The following LRRC37A3 variants were observed in gnomAD, a reference collection of about 807,000 sequenced individuals.
LRRC37A3 encodes leucine-rich repeat-containing protein 37A3.
In LRRC37A3, 25 loss-of-function variants were observed where a neutral mutation model predicts 106.2. That is an observed-to-expected ratio of 0.24 (90% CI 0.17 to 0.33). The LOEUF is 0.33. Ranked by LOEUF, LRRC37A3 falls within the 10% of genes least tolerant of loss-of-function variation. LRRC37A3 has a pLI of 1.00. For missense variants in LRRC37A3, 712 were observed against 1,644.9 expected (o/e 0.43, Z 9.81); for synonymous variants, 305 against 635.8 (o/e 0.48, Z 7.83).
At chr17:64,866,625 TATA>T (rs1394560685) in intron 10 of LRRC37A3, among the ~76,000 whole-genome samples, 162 of 23,620 alleles carry the variant, frequency 6.9e-3, no homozygotes, top group African/African-American at 0.02. Context: ...TATATATATA[TATA>T]TTTTTTTTTT....
chr17:64,885,337 C>A (rs879444237), intron 8 of LRRC37A3, among the ~76,000 whole-genome samples: 12,705 of 116,320 alleles, frequency 0.11, 59 homozygotes, highest in East Asian at 0.25. Flanking sequence ...TGCAACTTCC[C>A]CCTCCCGGGT....
intron 8 of LRRC37A3, among the ~76,000 whole-genome samples, chr17:64,884,402 G>A (rs1053513403): frequency 3.3e-5 from 5 of 151,764 alleles, no homozygotes; most frequent in Non-Finnish European, 7.4e-5. Context: ...GTCTCACTCT[G>A]TCCCTCAGGC....
intron 13 of LRRC37A3, among the ~76,000 whole-genome samples, chr17:64,857,562 C>T (rs1972719518): frequency 6.6e-6 from 1 of 152,146 alleles, no homozygotes; most frequent in Non-Finnish European, 1.5e-5. Context: ...ACGACCACAG[C>T]TCACTGCATC....
At chr17:64,864,505 C>T (rs940545828) in intron 10 of LRRC37A3, among the ~76,000 whole-genome samples, 14 of 151,936 alleles carry the variant, frequency 9.2e-5, no homozygotes, top group East Asian at 3.9e-4. Flanking sequence ...AAGAGGTAAC[C>T]GAGACAACTG....
In LRRC37A3 at chr17:64,854,607, G is replaced by T; in HGVS notation, c.4897C>A (p.Leu1633Met). ...EAPTEEESEA[L>M]P ...TGGGCTGGGTTCTCCTCCTATGGCA[G>T]GGCTTCACTCTCCTCCTCCGTTGGG... Residue 1633 changes from leucine (L) to methionine (M), a missense_variant, in exon 15 of 15, where the codon CTG becomes ATG. Physicochemically the swap from Leu to Met is conservative, Grantham distance 15 (BLOSUM62 2). Transcript: ENST00000584306. The T allele has an allele frequency of 6.2e-7, 1 of 1,613,896 alleles. No individual in the cohort carries two copies. The highest frequency in any genetic ancestry group is 8.5e-7 in the Non-Finnish European group (1 of 1,179,860).
intron 10 of LRRC37A3, among the ~76,000 whole-genome samples, chr17:64,866,610 ATATATATATATATATATATTTT>A (rs1483277976): frequency 3.0e-4 from 6 of 20,206 alleles, no homozygotes; most frequent in African/African-American, 1.8e-3. Flanking sequence ...ATATATATAT[ATATATATATATATATATATTTT>A]TTTTTTTTTT....
chr17:64,862,884 T>G lies in LRRC37A3; in HGVS notation c.3172+16A>C. On this transcript the variant is annotated intron_variant, in intron 11 of 14. Transcript: ENST00000584306. ...TACTTAATGTAACAATTTATCACCA[T>G]GCAATTTGGACTCACGACAATGTGT... is the stretch of plus-strand genomic sequence containing the variant. The G allele has an allele frequency of 6.3e-7, 1 of 1,599,134 alleles. No individual in the cohort carries two copies. The highest frequency in any genetic ancestry group is 8.5e-7 in the Non-Finnish European group (1 of 1,179,724).
Position 64,896,813 on chromosome 17 carries a change from T to C in LRRC37A3, c.445A>G (p.Lys149Glu). ...PQERLPVSPKKLKKDPAQRWS... is the reference protein window; with the variant it reads ...PQERLPVSPKELKKDPAQRWS... Reference sequence around the variant, plus strand: ...CGCTGAGCTGGATCTTTCTTCAGCTTCTTGGGCGAAACAGGGAGCCTTTCC... The same window carrying C: ...CGCTGAGCTGGATCTTTCTTCAGCTCCTTGGGCGAAACAGGGAGCCTTTCC... Residue 149 changes from lysine (K) to glutamate (E), a missense_variant, in exon 4 of 15, where the codon AAG becomes GAG. Physicochemically the swap from Lys to Glu is moderately conservative, Grantham distance 56. Transcript: ENST00000584306. 6.2e-7 allele frequency: 1 copy of C among 1,610,444 alleles called. No individual in the cohort carries two copies. Among genetic ancestry groups the C allele is most frequent in the Non-Finnish European group, 8.5e-7 (1 of 1,179,944 alleles).
intron 14 of LRRC37A3, 54 bp from the exon 15 acceptor site, chr17:64,854,698 C>T (rs894354541): frequency 1.2e-5 from 20 of 1,612,272 alleles, no homozygotes; most frequent in Non-Finnish European, 1.5e-5. Flanking sequence ...AGCAATTAAG[C>T]TTCTCACCCC....
chr17:64,912,788 CT>C (rs1974619078), intron 2 of LRRC37A3, among the ~76,000 whole-genome samples: 1 of 147,554 alleles, frequency 6.8e-6, no homozygotes, highest in Admixed American at 6.8e-5. Context: ...TGGCTCACGC[CT>C]ATAATCCCAG....
chr17:64,863,971 A>ATTTTTTTTTTTT (rs1218172930), intron 10 of LRRC37A3, among the ~76,000 whole-genome samples: 1 of 129,040 alleles, frequency 7.7e-6, no homozygotes. Context: ...TGCCCAGCTA[A>ATTTTTTTTTTTT]TTTTTTTTTT....
At chr17:64,893,931 C>A (rs1322305560) in intron 4 of LRRC37A3, among the ~76,000 whole-genome samples, 2 of 148,686 alleles carry the variant, frequency 1.3e-5, no homozygotes, top group South Asian at 2.1e-4. Context: ...GGATTACAGG[C>A]GTGAGCCACC....
At chr17:64,910,499 G>A (rs1432751236) in intron 2 of LRRC37A3, among the ~76,000 whole-genome samples, 6 of 152,256 alleles carry the variant, frequency 3.9e-5, no homozygotes, top group Non-Finnish European at 8.8e-5. Flanking sequence ...CAGGGGTAAA[G>A]TCATGCCAAG....
At chr17:64,872,479 T>G (rs1392219512) in intron 8 of LRRC37A3, among the ~76,000 whole-genome samples, 2 of 152,200 alleles carry the variant, frequency 1.3e-5, no homozygotes, top group Admixed American at 6.5e-5. Flanking sequence ...TGATGTCATC[T>G]GTCTGGTGGT....
chr17:64,877,185 G>T (rs1199575464), intron 8 of LRRC37A3, among the ~76,000 whole-genome samples: 1 of 152,044 alleles, frequency 6.6e-6, no homozygotes, highest in African/African-American at 2.4e-5. Flanking sequence ...TTAGGAGTTC[G>T]AGAGCAGCCT....
chr17:64,899,025 A>G (rs1974221955), intron 2 of LRRC37A3: 1 of 140,134 alleles, frequency 7.1e-6, no homozygotes, highest in African/African-American at 3.0e-5. Flanking sequence ...ACAAACCTGT[A>G]CTGTATGTTA....
At chr17:64,874,264 G>C (rs1476907986) in intron 8 of LRRC37A3, among the ~76,000 whole-genome samples, 2 of 152,182 alleles carry the variant, frequency 1.3e-5, no homozygotes, top group East Asian at 1.9e-4. Flanking sequence ...GGGCATGCCC[G>C]TCTGGGATGT....
At position 64,860,296 on chromosome 17, in the gene LRRC37A3, T is replaced by A. The variant is rs1972823637; in HGVS notation, c.3850A>T (p.Ser1284Cys). 3 of 1,614,016 alleles carry A rather than the reference T, an allele frequency of 1.9e-6. No individual in the cohort carries two copies. The highest frequency in any genetic ancestry group is 2.5e-6 in the Non-Finnish European group (3 of 1,179,872). The part of the protein sequence containing the change: ...DLTHAISILE[S>C]AKARVTNMKT... ...ATATTTGTAACTCTAGCCTTTGCAC[T>A]TTCTAAAATGGAAATAGCGTGGGTT... Residue 1284 changes from serine to cysteine, a missense_variant, in exon 12 of 15, where the codon AGT becomes TGT. By Grantham distance (112) the Ser-to-Cys change is moderately radical. Transcript: ENST00000584306.
At chr17:64,877,381 T>A (rs1250740393) in intron 8 of LRRC37A3, among the ~76,000 whole-genome samples, 1 of 152,052 alleles carries the variant, frequency 6.6e-6, no homozygotes, top group African/African-American at 2.4e-5. Context: ...TTTGTACTTT[T>A]AGTAGACATG....
Sources: allele counts gnomAD v4.1 joint callset (sites outside exome capture counted in the v4.1 genomes callset), GRCh38; gene constraint gnomAD v4.1.1; transcripts MANE v1.5; gene names NCBI Gene and HGNC (gene_info 2026-07-23, HGNC 2026-07-21).